SEMA6D: variants seen among roughly 807,000 people sequenced by gnomAD.
The protein encoded by SEMA6D is semaphorin-6D.
In SEMA6D, 35 loss-of-function variants were observed where a neutral mutation model predicts 106.6. That is an observed-to-expected ratio of 0.33 (90% CI 0.25 to 0.44). The LOEUF is 0.44. Among genes scored for constraint, SEMA6D ranks in the 20% least tolerant of loss-of-function variants. The pLI is 1.00. For missense variants in SEMA6D, 1,185 were observed against 1,345.9 expected, an observed-to-expected ratio of 0.88 and a Z score of 1.87; for synonymous variants, 499 against 487.7, an observed-to-expected ratio of 1.02 and a Z score of -0.31.
intron 4 of SEMA6D, among the ~76,000 whole-genome samples, chr15:47,710,572 G>A (rs1195016349): frequency 6.6e-6 from 1 of 152,110 alleles, no homozygotes; most frequent in Non-Finnish European, 1.5e-5. Flanking sequence ...AACTCTTGGA[G>A]GAAAAATACA....
At chr15:47,291,388 GA>G (rs1336196093) in intron 1 of SEMA6D, among the ~76,000 whole-genome samples, 4 of 152,152 alleles carry the variant, frequency 2.6e-5, no homozygotes, top group East Asian at 1.9e-4. Flanking sequence ...ACTGTCTCAG[GA>G]AAATGGGGAC....
Position 47,303,291 on chromosome 15 carries a change from C to T in SEMA6D, c.-238-109102C>T, listed in dbSNP as rs532437327. On this transcript the variant is annotated intron_variant, in intron 1 of 19. Coordinates refer to the SEMA6D transcript ENST00000558014. ...TGATATTATGCATAGGTTTCACTTTCGAGGTAGGTGTTGGTGCCTGTATGG... is the reference window on the plus strand; with the variant it reads ...TGATATTATGCATAGGTTTCACTTTTGAGGTAGGTGTTGGTGCCTGTATGG... Among the ~76,000 whole-genome samples, 109 of 152,282 alleles carry T rather than the reference C, an allele frequency of 7.2e-4. 1 individual carries two copies. Among genetic ancestry groups the T allele is most frequent in the African/African-American group, 2.5e-3 (103 of 41,556 alleles).
chr15:47,343,511 GT>G (rs1361656283), intron 1 of SEMA6D, among the ~76,000 whole-genome samples: 3 of 151,802 alleles, frequency 2.0e-5, no homozygotes, highest in Admixed American at 6.6e-5. Context: ...GCAGTGTTTG[GT>G]TTTTTGTCCT....
At chr15:47,463,426 T>C (rs1272685158) in intron 2 of SEMA6D, among the ~76,000 whole-genome samples, 3 of 152,200 alleles carry the variant, frequency 2.0e-5, no homozygotes, top group Non-Finnish European at 4.4e-5. Flanking sequence ...ATGTCTCCTT[T>C]AAATCTTAAC....
intron 3 of SEMA6D, among the ~76,000 whole-genome samples, chr15:47,503,873 CGAGA>C (rs1346061697): frequency 6.6e-6 from 1 of 152,100 alleles, no homozygotes; most frequent in Non-Finnish European, 1.5e-5. Context: ...ACCAAAAGGC[CGAGA>C]GAGAGACTCT....
chr15:47,769,225 G>A (rs1012378539), intron 18 of SEMA6D, among the ~76,000 whole-genome samples: 15 of 152,070 alleles, frequency 9.9e-5, no homozygotes, highest in Non-Finnish European at 1.9e-4. Context: ...ACATAACAGA[G>A]TGCTCGTCCA....
chr15:47,205,014 T>G (rs1894963147), intron 1 of SEMA6D, among the ~76,000 whole-genome samples: 1 of 152,102 alleles, frequency 6.6e-6, no homozygotes, highest in African/African-American at 2.4e-5. Flanking sequence ...AGGCATGTGG[T>G]TGAAGAGAAA....
In SEMA6D at chr15:47,502,997, C is replaced by A. The variant is rs188015493; in HGVS notation, c.-87+32452C>A. On this transcript the variant is annotated intron_variant, in intron 3 of 19. Transcript: ENST00000558014. Reference sequence around the variant, plus strand: ...CATTTTGACACTTGATATGAAATATCAGTAAATATAAGTGACAATATTTTT... The same window carrying A: ...CATTTTGACACTTGATATGAAATATAAGTAAATATAAGTGACAATATTTTT... 5.5e-3 allele frequency among the ~76,000 whole-genome samples: 844 copies of A among 152,264 alleles called. 6 individuals are homozygous for A. The highest frequency in any genetic ancestry group is 0.015 in the Admixed American group (228 of 15,280).
At chr15:47,430,539 TGTG>T (rs1347122377) in intron 2 of SEMA6D, among the ~76,000 whole-genome samples, 1 of 152,088 alleles carries the variant, frequency 6.6e-6, no homozygotes, top group Non-Finnish European at 1.5e-5. Context: ...GACAGGCTAA[TGTG>T]GGCTGGGTCT....
chr15:47,707,688 T>A lies in SEMA6D; in HGVS notation c.-54-52057T>A, dbSNP rs540320396. Among the ~76,000 whole-genome samples the A allele has an allele frequency of 2.6e-5, 4 of 152,328 alleles. No individual in the cohort carries two copies. In the East Asian group the frequency reaches 7.7e-4, roughly 29 times the overall value. On this transcript the variant is annotated intron_variant, in intron 4 of 19. Transcript: ENST00000558014. ...ACTGGATAAAAACTGGATTTCCTCTTACTTTTTCATGTGTATGTGGCTCAT... is the reference window on the plus strand; with the variant it reads ...ACTGGATAAAAACTGGATTTCCTCTAACTTTTTCATGTGTATGTGGCTCAT...
intron 3 of SEMA6D, among the ~76,000 whole-genome samples, chr15:47,579,394 G>A (rs1650439935): frequency 6.6e-6 from 1 of 151,804 alleles, no homozygotes; most frequent in Non-Finnish European, 1.5e-5. Context: ...CACCCACCTA[G>A]GCCTCCCAAA....
At chr15:47,507,952 G>T (rs1023294620) in intron 3 of SEMA6D, among the ~76,000 whole-genome samples, 1 of 152,202 alleles carries the variant, frequency 6.6e-6, no homozygotes, top group Admixed American at 6.5e-5. Context: ...CCCTGTACCT[G>T]CAATTAGGCC....
chr15:47,339,562 T>C (rs1345519789), intron 1 of SEMA6D, among the ~76,000 whole-genome samples: 1 of 152,140 alleles, frequency 6.6e-6, no homozygotes, highest in Non-Finnish European at 1.5e-5. Context: ...ATGCCAGATG[T>C]TGAAAATGCT....
At chr15:47,544,281 T>C (rs2045447417) in intron 3 of SEMA6D, among the ~76,000 whole-genome samples, 1 of 152,138 alleles carries the variant, frequency 6.6e-6, no homozygotes. Context: ...AAATAAAGTG[T>C]GCTCTGAATT....
intron 1 of SEMA6D, among the ~76,000 whole-genome samples, chr15:47,320,274 TC>T (rs2036873727): frequency 6.6e-6 from 1 of 152,176 alleles, no homozygotes; most frequent in South Asian, 2.1e-4. Flanking sequence ...TTCTCTGCAT[TC>T]CTCACTACAG....
chr15:47,564,396 A>C (rs922782322), intron 3 of SEMA6D, among the ~76,000 whole-genome samples: 2 of 152,208 alleles, frequency 1.3e-5, no homozygotes, highest in African/African-American at 2.4e-5. Flanking sequence ...ATGTGATAAG[A>C]ATACAGGATA....
chr15:47,616,207 G>T (rs1467090875), intron 4 of SEMA6D, among the ~76,000 whole-genome samples: 1 of 147,942 alleles, frequency 6.8e-6, no homozygotes, highest in Admixed American at 6.8e-5. Context: ...CTCTTGCTCT[G>T]TTGCCAGGCT....
chr15:47,604,232 TAAAG>T (rs1308493410), intron 4 of SEMA6D: 2 of 152,124 alleles, frequency 1.3e-5, no homozygotes, highest in African/African-American at 2.4e-5. Context: ...CTTTAAAAAA[TAAAG>T]AAGAGAAACA....
At position 47,225,405 on chromosome 15, in the gene SEMA6D, A is replaced by G. The variant is rs190227220; in HGVS notation, c.-239+40987A>G. The stretch of plus-strand genomic sequence containing the variant: ...TTTAATTTATGTTCCCTGATGATAC[A>G]TGATGTGGAACATCTATTCATATGC... On this transcript the variant is annotated intron_variant, in intron 1 of 19. Coordinates refer to the SEMA6D transcript ENST00000558014. Among the ~76,000 whole-genome samples, 56 of 151,580 alleles carry G rather than the reference A, an allele frequency of 3.7e-4. No homozygotes were observed. The East Asian group carries it at 7.8e-3, about 21-fold the overall frequency.
Sources: allele counts gnomAD v4.1 joint callset (sites outside exome capture counted in the v4.1 genomes callset), GRCh38; gene constraint gnomAD v4.1.1; transcripts MANE v1.5; gene names NCBI Gene and HGNC (gene_info 2026-07-23, HGNC 2026-07-21).